Variants in PMP22 observed in about 807,000 individuals in gnomAD.
PMP22 encodes the protein peripheral myelin protein 22.
PMP22 carries 2 observed loss-of-function variants against 18.9 expected under a neutral mutation model. That is an observed-to-expected ratio of 0.11 (90% CI 0.04 to 0.33). The LOEUF (loss-of-function observed/expected upper bound fraction) is 0.33, where lower values mean the gene tolerates loss of function less well. Ranked by LOEUF, PMP22 falls within the 10% of genes least tolerant of loss-of-function variation. The pLI, the probability that PMP22 is intolerant of heterozygous loss-of-function variation, is 1.00. For synonymous variants in PMP22, 95 were observed against 89.2 expected (o/e 1.07, Z -0.37); for missense variants, 169 against 202.2 (o/e 0.84, Z 1.00).
Position 15,258,719 on chromosome 17 carries a change from G to T in PMP22, c.178+375C>A. 1 of 341,126 alleles carries T rather than the reference G, an allele frequency of 2.9e-6. No homozygotes were observed. The highest frequency in any genetic ancestry group is 2.5e-5 in the South Asian group (1 of 40,460). The allele number at this position is 341,126 out of a possible 1,614,324, so 21.1% of individuals were successfully genotyped here. A position where few individuals can be genotyped will look rare whatever the true frequency, so the allele number is the denominator to read the frequency against. ...GGCAGGACATTTCTGAATAGAGACA[G>T]CCACCAAACCAAAGATACACGTTTG... is the stretch of plus-strand genomic sequence containing the variant. On this transcript the variant is annotated intron_variant, in intron 3 of 4. Coordinates refer to ENST00000312280, the MANE Select transcript of PMP22 (RefSeq NM_000304.4). This position sits in a 1 kb window ranked among gnomAD's most constrained non-coding sequence, Gnocchi z 4.1.
intron 3 of PMP22, among the ~76,000 whole-genome samples, chr17:15,240,522 T>A (rs1403073319): frequency 1.3e-5 from 2 of 151,750 alleles, no homozygotes; most frequent in Non-Finnish European, 2.9e-5. Flanking sequence ...TTATCTCTGT[T>A]GAACCCCAAA....
intron 3 of PMP22, among the ~76,000 whole-genome samples, chr17:15,257,985 G>A (rs1184382866): frequency 6.6e-6 from 1 of 152,214 alleles, no homozygotes; most frequent in East Asian, 1.9e-4. Context: ...AGCTGTAAGA[G>A]GGAAAGTCCA....
At chr17:15,242,574 A>G (rs977935379) in intron 3 of PMP22, among the ~76,000 whole-genome samples, 3 of 152,174 alleles carry the variant, frequency 2.0e-5, no homozygotes, top group Non-Finnish European at 4.4e-5. Context: ...GTTAAAATCA[A>G]AAAGTAATCA....
At position 15,256,058 on chromosome 17, in the gene PMP22, G is replaced by A. The variant is rs573235378; in HGVS notation, c.178+3036C>T. Among the ~76,000 whole-genome samples the A allele has an allele frequency of 4.6e-5, 7 of 152,334 alleles. No individual in the cohort carries two copies. The South Asian group carries it at 8.3e-4, about 18-fold the overall frequency. ...AAGCCTCTCTTACCTCTGCCCACAC[G>A]AGGCAGATAAGGAGGGGGTGCCAGA... On this transcript the variant is annotated intron_variant, in intron 3 of 4. Transcript: ENST00000312280.
chr17:15,245,445 C>T (rs1334021945), intron 3 of PMP22, among the ~76,000 whole-genome samples: 1 of 152,200 alleles, frequency 6.6e-6, no homozygotes, highest in Non-Finnish European at 1.5e-5. Context: ...GCTCTGTTGC[C>T]AAGTTCTTCT....
At chr17:15,240,912 G>GT (rs1293984867) in intron 3 of PMP22, among the ~76,000 whole-genome samples, 2 of 152,180 alleles carry the variant, frequency 1.3e-5, no homozygotes, top group African/African-American at 4.8e-5. Flanking sequence ...CTTGTTTTGA[G>GT]TTGTAAGCAG....
chr17:15,242,514 A>G (rs1030197158), intron 3 of PMP22, among the ~76,000 whole-genome samples: 1 of 152,190 alleles, frequency 6.6e-6, no homozygotes, highest in African/African-American at 2.4e-5. Flanking sequence ...TACATGATCT[A>G]TGACTGAAGA....
Position 15,242,215 on chromosome 17 carries a change from T to C in PMP22, c.179-2604A>G, listed in dbSNP as rs560354302. The stretch of plus-strand genomic sequence containing the variant: ...TTGTAGTGAGCCAAGATCACACCAC[T>C]GCACTCCAGCCTGGGCACAGAGAGA... On this transcript the variant is annotated intron_variant, in intron 3 of 4. Coordinates refer to ENST00000312280, the MANE Select transcript of PMP22 (RefSeq NM_000304.4). Among the ~76,000 whole-genome samples, 253 of 127,760 alleles carry C rather than the reference T, an allele frequency of 2.0e-3. 2 individuals carry two copies. Among genetic ancestry groups the C allele is most frequent in the African/African-American group, 7.5e-3 (241 of 32,272 alleles). 83.8% of individuals were successfully genotyped at this position (127,760 alleles called of 152,430 possible).
intron 3 of PMP22, chr17:15,251,591 G>C (rs1348572660): frequency 6.5e-6 from 1 of 153,724 alleles, no homozygotes; most frequent in Non-Finnish European, 1.5e-5. Context: ...TGGCTCGATG[G>C]GATAGGAAGG....
At position 15,259,079 on chromosome 17, in the gene PMP22, C is replaced by A; in HGVS notation, c.178+15G>T. 1 of 1,594,172 alleles carries A rather than the reference C, an allele frequency of 6.3e-7. No individual in the cohort carries two copies. Among genetic ancestry groups the A allele is most frequent in the Non-Finnish European group, 8.6e-7 (1 of 1,161,922 alleles). On this transcript the variant is annotated intron_variant, in intron 3 of 4. Transcript: ENST00000312280. ...CGTCTGAGGACAAGCTCATGGAGCACAAAACCAGCCTCACCGTTTGGTGAT... is the reference window on the plus strand; with the variant it reads ...CGTCTGAGGACAAGCTCATGGAGCAAAAAACCAGCCTCACCGTTTGGTGAT...
chr17:15,236,014 C>T (rs1191124490), intron 4 of PMP22, among the ~76,000 whole-genome samples: 1 of 151,810 alleles, frequency 6.6e-6, no homozygotes, highest in African/African-American at 2.4e-5. Flanking sequence ...CCCACCTCAG[C>T]CTCCCAAAGT....
chr17:15,254,901 G>A (rs1052527896), intron 3 of PMP22, among the ~76,000 whole-genome samples: 6 of 152,224 alleles, frequency 3.9e-5, no homozygotes, highest in Non-Finnish European at 8.8e-5. Flanking sequence ...GGAGGTTGCA[G>A]TGAGCCAAGA....
chr17:15,233,213 A>T (rs117760569), intron 4 of PMP22, among the ~76,000 whole-genome samples: 6 of 152,134 alleles, frequency 3.9e-5, no homozygotes, highest in African/African-American at 1.4e-4. Context: ...GTAGGTGGAG[A>T]TGTATCACCA....
chr17:15,234,803 C>A (rs913676352), intron 4 of PMP22, among the ~76,000 whole-genome samples: 3 of 148,552 alleles, frequency 2.0e-5, no homozygotes, highest in Admixed American at 6.7e-5. Context: ...AATCCCCCCC[C>A]ACCAAATTCT....
intron 3 of PMP22, among the ~76,000 whole-genome samples, chr17:15,249,746 T>C (rs1272082298): frequency 6.6e-6 from 1 of 152,182 alleles, no homozygotes; most frequent in East Asian, 1.9e-4. Flanking sequence ...AGTCATCGTG[T>C]AGAGGAGAGA....
intron 4 of PMP22, among the ~76,000 whole-genome samples, chr17:15,234,070 T>C (rs1906585979): frequency 6.6e-6 from 1 of 151,974 alleles, no homozygotes; most frequent in Non-Finnish European, 1.5e-5. Flanking sequence ...GGAAGGTGCA[T>C]GAGGAGGCCT....
At chr17:15,231,590 C>T (rs1399548968) in intron 4 of PMP22, among the ~76,000 whole-genome samples, 1 of 152,182 alleles carries the variant, frequency 6.6e-6, no homozygotes, top group Non-Finnish European at 1.5e-5. Context: ...CTATGGTCCC[C>T]CTAACAGAGT....
intron 4 of PMP22, among the ~76,000 whole-genome samples, chr17:15,235,902 G>A (rs1011303961): frequency 2.0e-5 from 3 of 151,838 alleles, no homozygotes; most frequent in South Asian, 2.1e-4. Flanking sequence ...CTACAGGCAC[G>A]CACCACCACG....
rs551680193 is a variant in PMP22, at chr17:15,231,220, T to A, written c.320-140A>T. 160 of 857,220 alleles carry A rather than the reference T, an allele frequency of 1.9e-4. No homozygotes were observed. The African/African-American group carries it at 2.4e-3, about 13-fold the overall frequency. The allele number at this position is 857,220 out of a possible 1,614,324, so 53.1% of individuals were successfully genotyped here. A position where few individuals can be genotyped will look rare whatever the true frequency, so the allele number is the denominator to read the frequency against. The stretch of plus-strand genomic sequence containing the variant: ...AGGAAATCTGCTTCCAGGTCCAGAA[T>A]TGAAAGGAGGTAGCACAAAAATATG... On this transcript the variant is annotated intron_variant, in intron 4 of 4. Transcript: ENST00000312280.
Sources: allele counts gnomAD v4.1 joint callset (sites outside exome capture counted in the v4.1 genomes callset), GRCh38; gene constraint gnomAD v4.1.1; non-coding constraint Gnocchi (gnomAD v3.1); transcripts MANE v1.5; gene names NCBI Gene and HGNC (gene_info 2026-07-23, HGNC 2026-07-21).